The following SCLT1 variants were observed in gnomAD, a reference collection of about 807,000 sequenced individuals.
The protein encoded by SCLT1 is sodium channel-associated protein 1.
SCLT1 carries 78 observed loss-of-function variants against 112.8 expected under a neutral mutation model. The ratio of observed to expected loss-of-function variants is 0.69; its 90% CI spans 0.58 to 0.83. The LOEUF (loss-of-function observed/expected upper bound fraction) is 0.83, where lower values mean the gene tolerates loss of function less well. Ranked by LOEUF, SCLT1 falls within the 40% of genes least tolerant of loss-of-function variation. The pLI is 0.00. For synonymous variants in SCLT1, 257 were observed against 254.7 expected, an observed-to-expected ratio of 1.01 and a Z score of -0.09; for missense variants, 747 against 770.4, an observed-to-expected ratio of 0.97 and a Z score of 0.36.
intron 2 of SCLT1, among the ~76,000 whole-genome samples, chr4:129,062,685 T>G (rs1014724343): frequency 2.0e-4 from 30 of 152,176 alleles, no homozygotes; most frequent in Admixed American, 9.8e-4. Context: ...TTGACTTTTT[T>G]TTTCTATCAG....
intron 8 of SCLT1, among the ~76,000 whole-genome samples, chr4:128,992,599 C>T (rs1742671194): frequency 1.3e-5 from 2 of 152,014 alleles, no homozygotes; most frequent in Admixed American, 6.6e-5. Context: ...AAAACCCAAA[C>T]TCCCTTCTTG....
intron 2 of SCLT1, among the ~76,000 whole-genome samples, chr4:129,073,401 A>G: frequency 6.6e-6 from 1 of 152,184 alleles, no homozygotes; most frequent in East Asian, 1.9e-4. Context: ...AACTTTTAAA[A>G]TATTACTTCT....
intron 11 of SCLT1, among the ~76,000 whole-genome samples, chr4:128,961,138 G>T (rs1381391115): frequency 1.3e-5 from 2 of 151,046 alleles, no homozygotes; most frequent in African/African-American, 4.9e-5. Context: ...TTATAAAGAT[G>T]GTCTCCTTCA....
chr4:129,032,933 C>T (rs545469069), intron 5 of SCLT1, among the ~76,000 whole-genome samples: 5 of 152,246 alleles, frequency 3.3e-5, no homozygotes, highest in African/African-American at 1.2e-4. Flanking sequence ...GGCAATTCCT[C>T]AAGGATCTAG....
At chr4:129,041,948 T>A (rs184246970) in intron 4 of SCLT1, 15 of 152,310 alleles carry the variant, frequency 9.8e-5, no homozygotes, top group African/African-American at 3.6e-4. Context: ...GATTTCATTA[T>A]GTTGGCCAGG....
At chr4:129,016,689 A>C (rs1010422553) in intron 5 of SCLT1, among the ~76,000 whole-genome samples, 8 of 152,150 alleles carry the variant, frequency 5.3e-5, no homozygotes, top group Non-Finnish European at 1.5e-5. Context: ...TTTCAAGCTC[A>C]CCTCAGTTTT....
intron 14 of SCLT1, among the ~76,000 whole-genome samples, chr4:128,949,988 T>C (rs1738577303): frequency 6.7e-6 from 1 of 149,314 alleles, no homozygotes; most frequent in Admixed American, 6.7e-5. Flanking sequence ...AAGCTTCTTT[T>C]GTGACCCAAA....
In SCLT1 at chr4:129,001,528, A is replaced by G. The variant is rs557067856; in HGVS notation, c.427-1734T>C. On this transcript the variant is annotated intron_variant, in intron 6 of 20. Coordinates refer to ENST00000281142, the MANE Select transcript of SCLT1 (RefSeq NM_144643.4). ...GATAAATATTATAATGAATATATTTATTCAAAAATTTTTATATTCAGTTCT... is the reference window on the plus strand; with the variant it reads ...GATAAATATTATAATGAATATATTTGTTCAAAAATTTTTATATTCAGTTCT... Among the ~76,000 whole-genome samples, 19 of 152,236 alleles carry G rather than the reference A, an allele frequency of 1.2e-4. No homozygotes were observed. The South Asian group carries it at 2.1e-3, about 17-fold the overall frequency.
chr4:128,952,203 G>C (rs372639964), intron 14 of SCLT1: 2 of 387,212 alleles, frequency 5.2e-6, no homozygotes, highest in South Asian at 2.0e-5. Flanking sequence ...GATACAGGGA[G>C]TCAGAAAAGA....
chr4:129,028,296 C>G (rs1282695914), intron 5 of SCLT1, among the ~76,000 whole-genome samples: 1 of 151,100 alleles, frequency 6.6e-6, no homozygotes, highest in Non-Finnish European at 1.5e-5. Context: ...GCTACAGTAA[C>G]CAAAACAGCA....
intron 5 of SCLT1, among the ~76,000 whole-genome samples, chr4:129,021,869 C>A (rs1305128016): frequency 6.6e-6 from 1 of 152,204 alleles, no homozygotes; most frequent in Non-Finnish European, 1.5e-5. Flanking sequence ...TGCCTCCTGA[C>A]AGGGAGAAAC....
intron 18 of SCLT1, among the ~76,000 whole-genome samples, chr4:128,898,695 G>C (rs1347109062): frequency 6.6e-6 from 1 of 152,182 alleles, no homozygotes; most frequent in Non-Finnish European, 1.5e-5. Context: ...GAAGGAAATA[G>C]AGACACAAAA....
In SCLT1 at chr4:128,946,161, A is replaced by C; in HGVS notation, c.1294-9T>G. On this transcript the variant is annotated splice_polypyrimidine_tract_variant and intron_variant, in intron 15 of 20. Coordinates refer to ENST00000281142, the MANE Select transcript of SCLT1 (RefSeq NM_144643.4). Reference sequence around the variant, plus strand: ...CTGCCTTCACGGTAAATCTGCAGAAAAGGCTTATTAGGTATATAATATTAC... The same window carrying C: ...CTGCCTTCACGGTAAATCTGCAGAACAGGCTTATTAGGTATATAATATTAC... 2 of 1,585,048 alleles carry C rather than the reference A, an allele frequency of 1.3e-6. No homozygotes were observed. Among genetic ancestry groups the C allele is most frequent in the Non-Finnish European group, 1.7e-6 (2 of 1,155,222 alleles).
chr4:129,000,847 G>A (rs1341205481), intron 6 of SCLT1, among the ~76,000 whole-genome samples: 1 of 151,766 alleles, frequency 6.6e-6, no homozygotes, highest in East Asian at 1.9e-4. Flanking sequence ...TCACCTAGAA[G>A]CTGGACGACC....
rs1284932475 is a variant in SCLT1 at position 129,030,545 on chromosome 4, C to CAATTTTGAAATTGTT, written c.290+8495_290+8496insAACAATTTCAAAATT. Among the ~76,000 whole-genome samples the CAATTTTGAAATTGTT allele has an allele frequency of 9.9e-5, 15 of 151,800 alleles. 1 individual carries two copies. The highest frequency in any genetic ancestry group is 9.8e-4 in the Admixed American group (15 of 15,240). ...GGAGCTGGTTTTTTCAAAATATTAA[C>CAATTTTGAAATTGTT]AATATAGACGGACCTCTAGCTCAAC... On this transcript the variant is annotated intron_variant, in intron 5 of 20. Transcript: ENST00000281142.
At chr4:129,037,339 T>G (rs1389957143) in intron 5 of SCLT1, 1 of 152,180 alleles carries the variant, frequency 6.6e-6, no homozygotes, top group Non-Finnish European at 1.5e-5. Context: ...CCCAGATGTC[T>G]TGCAGCTGAA....
At chr4:128,971,057 TAA>T (rs1407761052) in intron 9 of SCLT1, 3 of 152,168 alleles carry the variant, frequency 2.0e-5, no homozygotes, top group African/African-American at 7.2e-5. Context: ...CAGAATTAAA[TAA>T]GTTTCAATAT....
intron 2 of SCLT1, among the ~76,000 whole-genome samples, chr4:129,071,598 T>G (rs1047552729): frequency 9.9e-5 from 15 of 152,282 alleles, no homozygotes; most frequent in Admixed American, 3.9e-4. Context: ...TTTTGTTTTG[T>G]CTGATATAAG....
rs1745993262 is a variant in SCLT1 at position 129,025,697 on chromosome 4, CA to C, written c.290+13343del. 3.3e-5 allele frequency among the ~76,000 whole-genome samples: 5 copies of C among 152,180 alleles called. No homozygotes were observed. In the South Asian group the frequency reaches 1.0e-3, roughly 32 times the overall value. ...ATGACAGGATCAAATTCACACATAA[CA>C]ATATTAACTTTAAATGCAAATGGAC... is the stretch of plus-strand genomic sequence containing the variant. On this transcript the variant is annotated intron_variant, in intron 5 of 20. Transcript: ENST00000281142.
Sources: allele counts gnomAD v4.1 joint callset (sites outside exome capture counted in the v4.1 genomes callset), GRCh38; gene constraint gnomAD v4.1.1; transcripts MANE v1.5; gene names NCBI Gene and HGNC (gene_info 2026-07-23, HGNC 2026-07-21).